The following COL11A1 variants were observed in gnomAD, a reference collection of about 807,000 sequenced individuals.
COL11A1 encodes collagen type XI alpha 1 chain.
In COL11A1, 74 loss-of-function variants were observed where a neutral mutation model predicts 265.2. The ratio of observed to expected loss-of-function variants is 0.28; its 90% CI spans 0.23 to 0.34. The LOEUF is 0.34. Ranked by LOEUF, COL11A1 falls within the 10% of genes least tolerant of loss-of-function variation. COL11A1 has a pLI of 1.00. For missense variants in COL11A1, 2,165 were observed against 2,263.6 expected (o/e 0.96, Z 0.88); for synonymous variants, 816 against 727.6 (o/e 1.12, Z -1.96).
chr1:103,039,595 C>A (rs920984242), intron 4 of COL11A1, among the ~76,000 whole-genome samples: 1 of 149,752 alleles, frequency 6.7e-6, no homozygotes, highest in Non-Finnish European at 1.5e-5. Flanking sequence ...AACGCTCGGA[C>A]AGAAGAAAAC....
At position 102,939,074 on chromosome 1, in the gene COL11A1, C is replaced by G; in HGVS notation, c.3399G>C (p.Glu1133Asp). 1 of 1,613,722 alleles carries G rather than the reference C, an allele frequency of 6.2e-7. No homozygotes were observed. The highest frequency in any genetic ancestry group is 8.5e-7 in the Non-Finnish European group (1 of 1,179,848). ...GEDGDKGEIG[E>D]PGQKGSKGDK... Reference sequence around the variant, plus strand: ...CACCCTTGCTGCCTTTTTGTCCCGGCTCACCAATTTCACCCTGAAATTGAA... The same window carrying G: ...CACCCTTGCTGCCTTTTTGTCCCGGGTCACCAATTTCACCCTGAAATTGAA... Residue 1133 changes from glutamate to aspartate, a missense_variant, in exon 44 of 67, where the codon GAG (glutamate) becomes GAC (aspartate). By Grantham distance (45) the Glu-to-Asp change is conservative. Coordinates refer to ENST00000370096, the MANE Select transcript of COL11A1 (RefSeq NM_001854.4).
At chr1:103,046,277 C>CCTGTTGTTCTCTGA (rs1553245294) in intron 4 of COL11A1, among the ~76,000 whole-genome samples, 1 of 16,638 alleles carries the variant, frequency 6.0e-5, no homozygotes. Flanking sequence ...CTCTCCAGCA[C>CCTGTTGTTCTCTGA]CTTTTTAATG....
intron 4 of COL11A1, among the ~76,000 whole-genome samples, chr1:103,057,516 A>G (rs1346116116): frequency 6.6e-6 from 1 of 152,190 alleles, no homozygotes; most frequent in African/African-American, 2.4e-5. Context: ...TTTCTAATTT[A>G]CTGTGTCCAG....
At chr1:103,053,055 T>G (rs1412986034) in intron 4 of COL11A1, among the ~76,000 whole-genome samples, 1 of 152,166 alleles carries the variant, frequency 6.6e-6, no homozygotes, top group Non-Finnish European at 1.5e-5. Flanking sequence ...ACAATATTTG[T>G]AAAAGAGGAA....
chr1:102,890,484 A>T lies in COL11A1; in HGVS notation c.4323T>A (p.Gly1441=). 1 of 1,609,348 alleles carries T rather than the reference A, an allele frequency of 6.2e-7. No homozygotes were observed. The highest frequency in any genetic ancestry group is 1.3e-5 in the African/African-American group (1 of 74,538). ...PGPMGPPGLP[G]LKGDPGSKGE... Reference sequence around the variant, plus strand: ...CCTTGGAGCCAGGGTCACCTTTGAGACCAGGTAAGCCAGGAGGTCCCTAAA... The same window carrying T: ...CCTTGGAGCCAGGGTCACCTTTGAGTCCAGGTAAGCCAGGAGGTCCCTAAA... Residue 1441 remains glycine, a synonymous_variant, in exon 58 of 67, where the codon GGT becomes GGA. Transcript: ENST00000370096.
Position 103,008,510 on chromosome 1 carries a change from G to A in COL11A1, c.1636C>T (p.Pro546Ser). 6.2e-7 allele frequency: 1 copy of A among 1,613,450 alleles called. No homozygotes were observed. The highest frequency in any genetic ancestry group is 1.1e-5 in the South Asian group (1 of 91,040). Reference protein sequence around the residue: ...LTGRPGPVGGPGSSGAKGESG... With the variant: ...LTGRPGPVGGSGSSGAKGESG... ...TCACCTTTGGCCCCAGATGAACCAG[G>A]CCCCCCCTATAGAGAAAAAGTGAAG... The change falls in exon 15 of 67, where the codon CCT becomes TCT. Residue 546 changes from proline to serine, a missense_variant. Coordinates refer to ENST00000370096, the MANE Select transcript of COL11A1 (RefSeq NM_001854.4).
chr1:102,962,496 G>A (rs1661014438), intron 39 of COL11A1, among the ~76,000 whole-genome samples, 157 bp downstream of exon 39: 1 of 152,150 alleles, frequency 6.6e-6, no homozygotes, highest in Non-Finnish European at 1.5e-5. Context: ...TTATATAAAT[G>A]TTGAGCAATA....
chr1:103,061,531 A>G (rs1332628636), intron 4 of COL11A1, among the ~76,000 whole-genome samples: 1 of 152,138 alleles, frequency 6.6e-6, no homozygotes, highest in Non-Finnish European at 1.5e-5. Flanking sequence ...GAACAAATAT[A>G]CATAATCCAA....
In COL11A1 at chr1:102,996,371, G is replaced by A. The variant is rs1025855949; in HGVS notation, c.2242-329C>T. Among the ~76,000 whole-genome samples, 5 of 151,802 alleles carry A rather than the reference G, an allele frequency of 3.3e-5. 1 individual carries two copies. The highest frequency in any genetic ancestry group is 1.2e-4 in the African/African-American group (5 of 41,378). On this transcript the variant is annotated intron_variant, in intron 26 of 66. Transcript: ENST00000370096. ...TAACTAGATTTTTAACCTAAAATAT[G>A]CTATACTAATGTCTATAAAAGACAG...
intron 1 of COL11A1, among the ~76,000 whole-genome samples, chr1:103,099,938 C>T (rs1057244505): frequency 6.6e-6 from 1 of 151,808 alleles, no homozygotes; most frequent in Non-Finnish European, 1.5e-5. Flanking sequence ...CACACCATTC[C>T]AAGCTAACTC....
intron 54 of COL11A1, 24 bp downstream of exon 54, chr1:102,912,135 A>C: frequency 6.3e-7 from 1 of 1,593,148 alleles, no homozygotes; most frequent in East Asian, 2.2e-5. Flanking sequence ...CATATGTTTC[A>C]AATAAAGAAT....
intron 4 of COL11A1, among the ~76,000 whole-genome samples, chr1:103,048,796 G>C (rs1571150127): frequency 6.6e-6 from 1 of 152,094 alleles, no homozygotes; most frequent in Non-Finnish European, 1.5e-5. Flanking sequence ...CTGGTATGTT[G>C]TGTCTTTTTT....
chr1:103,027,260 T>C (rs1195129206), intron 5 of COL11A1, among the ~76,000 whole-genome samples: 1 of 150,406 alleles, frequency 6.6e-6, no homozygotes, highest in Non-Finnish European at 1.5e-5. Flanking sequence ...GCTCAATATC[T>C]TTATAAAAAT....
chr1:103,046,671 G>T (rs2102090648), intron 4 of COL11A1, among the ~76,000 whole-genome samples: 1 of 151,332 alleles, frequency 6.6e-6, no homozygotes, highest in East Asian at 1.9e-4. Context: ...TAGACATGAA[G>T]TCCTTGCCCG....
intron 46 of COL11A1, among the ~76,000 whole-genome samples, chr1:102,930,975 TTC>T (rs1388163140): frequency 1.3e-5 from 2 of 150,054 alleles, no homozygotes; most frequent in African/African-American, 4.9e-5. Flanking sequence ...TATTTGATTC[TTC>T]TCTCTTTTTT....
intron 41 of COL11A1, among the ~76,000 whole-genome samples, chr1:102,959,863 C>A (rs1369935218): frequency 6.6e-6 from 1 of 152,152 alleles, no homozygotes; most frequent in Non-Finnish European, 1.5e-5. Flanking sequence ...TAAAAAATAA[C>A]TTAAAACAAT....
At chr1:102,944,735 A>G (rs1241161756) in intron 42 of COL11A1, among the ~76,000 whole-genome samples, 1 of 152,276 alleles carries the variant, frequency 6.6e-6, no homozygotes, top group East Asian at 1.9e-4. Flanking sequence ...TCTACCATTC[A>G]ATATATTATC....
At chr1:103,096,860 C>G (rs1303529522) in intron 1 of COL11A1, among the ~76,000 whole-genome samples, 1 of 151,976 alleles carries the variant, frequency 6.6e-6, no homozygotes, top group East Asian at 1.9e-4. Context: ...ATAACAAGAA[C>G]AGTCACATAA....
intron 57 of COL11A1, among the ~76,000 whole-genome samples, chr1:102,897,156 C>G (rs937385697): frequency 4.6e-5 from 7 of 151,640 alleles, no homozygotes; most frequent in Non-Finnish European, 1.0e-4. Flanking sequence ...CTTTGCATAC[C>G]AAAGATGCTG....
Sources: gnomAD v4.1 joint callset for allele counts (sites outside exome capture counted in the v4.1 genomes callset) on GRCh38, gnomAD v4.1.1 for gene constraint, MANE v1.5 for transcripts, NCBI Gene and HGNC (gene_info 2026-07-23, HGNC 2026-07-21) for gene names.